NRXN1: variants seen among roughly 807,000 people sequenced by gnomAD.
The protein encoded by NRXN1 is neurexin-1.
Under a neutral mutation model 150.9 loss-of-function variants are expected in NRXN1, and 39 were observed. That is an observed-to-expected ratio of 0.26 (90% CI 0.20 to 0.34). NRXN1 has a LOEUF of 0.34. NRXN1 is among the 10% of genes least tolerant of loss of function. NRXN1 has a pLI of 1.00. For missense variants in NRXN1, 1,815 were observed against 1,949.9 expected (o/e 0.93, Z 1.30); for synonymous variants, 924 against 757.0 (o/e 1.22, Z -3.62).
At chr2:50,286,204 C>A (rs1161405298) in intron 17 of NRXN1, among the ~76,000 whole-genome samples, 2 of 152,020 alleles carry the variant, frequency 1.3e-5, no homozygotes, top group African/African-American at 4.8e-5. Flanking sequence ...CTGCAGTCAC[C>A]ATGTACAATA....
At chr2:50,986,644 T>G (rs1187660551) in intron 2 of NRXN1, among the ~76,000 whole-genome samples, 1 of 151,746 alleles carries the variant, frequency 6.6e-6, no homozygotes, top group African/African-American at 2.4e-5. Flanking sequence ...GATTTTGCCC[T>G]TATGCAAACT....
intron 2 of NRXN1, among the ~76,000 whole-genome samples, chr2:51,016,704 C>G (rs1668714172): frequency 6.6e-6 from 1 of 152,086 alleles, no homozygotes; most frequent in Non-Finnish European, 1.5e-5. Context: ...GGTGATTTCT[C>G]AAGGATCTAG....
chr2:50,330,501 G>C (rs1229866871), intron 17 of NRXN1, among the ~76,000 whole-genome samples: 4 of 151,992 alleles, frequency 2.6e-5, no homozygotes, highest in African/African-American at 9.7e-5. Flanking sequence ...TTTCACATTA[G>C]AATGTCCTTC....
chr2:49,955,996 A>C (rs1175312892), intron 21 of NRXN1, among the ~76,000 whole-genome samples: 1 of 152,118 alleles, frequency 6.6e-6, no homozygotes, highest in South Asian at 2.1e-4. Flanking sequence ...TGGCGCATGC[A>C]ATCCAGTTTC....
intron 2 of NRXN1, among the ~76,000 whole-genome samples, chr2:51,011,386 G>T (rs1192601430): frequency 6.6e-6 from 1 of 151,968 alleles, no homozygotes; most frequent in Non-Finnish European, 1.5e-5. Flanking sequence ...AATCAGATGG[G>T]ATGATAAATT....
At chr2:49,991,487 C>T (rs1376817315) in intron 21 of NRXN1, among the ~76,000 whole-genome samples, 2 of 151,706 alleles carry the variant, frequency 1.3e-5, no homozygotes, top group Non-Finnish European at 1.5e-5. Flanking sequence ...ACATTAGCAC[C>T]CCCCCAAAAT....
At chr2:50,551,050 GGAAGAAGAA>G (rs1204760729) in intron 9 of NRXN1, among the ~76,000 whole-genome samples, 4 of 79,016 alleles carry the variant, frequency 5.1e-5, no homozygotes, top group South Asian at 5.0e-4. Context: ...AAGAGGAAGA[GGAAGAAGAA>G]GAAGAAGAAG....
intron 18 of NRXN1, among the ~76,000 whole-genome samples, chr2:50,102,906 G>T (rs1261194160): frequency 6.6e-6 from 1 of 151,948 alleles, no homozygotes; most frequent in Non-Finnish European, 1.5e-5. Context: ...ATTTGTATAA[G>T]ATATAAAACT....
chr2:49,988,138 A>G (rs527982807), intron 21 of NRXN1, among the ~76,000 whole-genome samples: 1 of 152,238 alleles, frequency 6.6e-6, no homozygotes, highest in East Asian at 1.9e-4. Context: ...TGGTTGGGAA[A>G]TATATATTAA....
chr2:49,922,496 T>C (rs2104003791), intron 22 of NRXN1, among the ~76,000 whole-genome samples: 1 of 152,266 alleles, frequency 6.6e-6, no homozygotes, highest in South Asian at 2.1e-4. Flanking sequence ...TCACAGAGTT[T>C]GGTAAGCATT....
At chr2:50,131,188 G>C (rs970534283) in intron 18 of NRXN1, among the ~76,000 whole-genome samples, 2 of 152,116 alleles carry the variant, frequency 1.3e-5, no homozygotes, top group Non-Finnish European at 2.9e-5. Context: ...CTGTAAACAT[G>C]TTCATTATTA....
chr2:50,607,301 C>T (rs1238279939), intron 8 of NRXN1, among the ~76,000 whole-genome samples: 2 of 152,124 alleles, frequency 1.3e-5, no homozygotes, highest in African/African-American at 2.4e-5. Context: ...CAGTTAAAGG[C>T]ATCCCTTTGT....
chr2:50,822,171 T>C (rs1574599259), intron 5 of NRXN1, among the ~76,000 whole-genome samples: 2 of 152,252 alleles, frequency 1.3e-5, no homozygotes, highest in East Asian at 1.9e-4. Context: ...AGTGCTAACA[T>C]AAATTTTTAA....
intron 17 of NRXN1, among the ~76,000 whole-genome samples, chr2:50,247,953 T>C (rs979647338): frequency 9.2e-5 from 14 of 152,244 alleles, no homozygotes; most frequent in Admixed American, 5.9e-4. Context: ...TTTTTGTAAA[T>C]CTAAAATTTC....
At chr2:50,097,147 A>T (rs988685829) in intron 18 of NRXN1, among the ~76,000 whole-genome samples, 1 of 152,210 alleles carries the variant, frequency 6.6e-6, no homozygotes, top group Non-Finnish European at 1.5e-5. Flanking sequence ...AACTATGCTC[A>T]GGAACAGAGA....
At chr2:50,993,878 A>G (rs1698900230) in intron 2 of NRXN1, among the ~76,000 whole-genome samples, 1 of 152,010 alleles carries the variant, frequency 6.6e-6, no homozygotes, top group African/African-American at 2.4e-5. Flanking sequence ...GGGAACCCAG[A>G]GCACTTTGCA....
At chr2:50,469,382 G>A (rs755911405) in intron 16 of NRXN1, among the ~76,000 whole-genome samples, 15 of 151,660 alleles carry the variant, frequency 9.9e-5, no homozygotes, top group Non-Finnish European at 1.5e-4. Flanking sequence ...AAGATCAAAA[G>A]TTTTTTGTAT....
At chr2:50,610,660 T>C (rs1204242815) in intron 8 of NRXN1, among the ~76,000 whole-genome samples, 4 of 123,836 alleles carry the variant, frequency 3.2e-5, no homozygotes, top group Admixed American at 8.9e-5. Context: ...TATATATATA[T>C]ATATATATAT....
At chr2:50,434,043 ATTTTTTTTTTTTTT>A (rs748364051) in intron 17 of NRXN1, among the ~76,000 whole-genome samples, 7 of 72,154 alleles carry the variant, frequency 9.7e-5, no homozygotes, top group Admixed American at 5.1e-4. Context: ...TATCTAAGCC[ATTTTTTTTTTTTTT>A]TTTTTTTTTT....
Sources: gnomAD v4.1 joint callset for allele counts (sites outside exome capture counted in the v4.1 genomes callset) on GRCh38, gnomAD v4.1.1 for gene constraint, MANE v1.5 for transcripts, NCBI Gene and HGNC (gene_info 2026-07-23, HGNC 2026-07-21) for gene names.